Variants in IGF2R observed in about 807,000 individuals in gnomAD.
The protein encoded by IGF2R is insulin like growth factor 2 receptor, also known as cation-independent mannose-6-phosphate receptor.
In IGF2R, 91 loss-of-function variants were observed where a neutral mutation model predicts 270.6. That is an observed-to-expected ratio of 0.34 (90% CI 0.28 to 0.40). IGF2R has a LOEUF of 0.40. Ranked by LOEUF, IGF2R falls within the 10% of genes least tolerant of loss-of-function variation. The pLI is 1.00. For synonymous variants in IGF2R, 1,316 were observed against 1,258.9 expected, an observed-to-expected ratio of 1.05 and a Z score of -0.96; for missense variants, 2,805 against 3,188.3, an observed-to-expected ratio of 0.88 and a Z score of 2.90.
chr6:159,974,110 T>C (rs1783653046), intron 1 of IGF2R, among the ~76,000 whole-genome samples: 1 of 152,168 alleles, frequency 6.6e-6, no homozygotes, highest in African/African-American at 2.4e-5. Context: ...TTTCCACCAG[T>C]GATGTATGAG....
In IGF2R at chr6:160,103,130, G is replaced by A. The variant is rs73598447; in HGVS notation, c.6995+459G>A. On this transcript the variant is annotated intron_variant, in intron 46 of 47. Coordinates refer to ENST00000356956, the MANE Select transcript of IGF2R (RefSeq NM_000876.4). The stretch of plus-strand genomic sequence containing the variant: ...GGTCAAGCAGATTTTCACGTCAGGC[G>A]TCAGTGTTAGTGGCTCTGACCTGGG... Among the ~76,000 whole-genome samples the A allele has an allele frequency of 9.2e-3, 1,397 of 152,202 alleles. 16 individuals are homozygous for A. The highest frequency in any genetic ancestry group is 0.031 in the African/African-American group (1,306 of 41,510).
chr6:160,103,856 G>C (rs569427818), intron 47 of IGF2R, 41 bp downstream of exon 47: 1 of 1,353,034 alleles, frequency 7.4e-7, no homozygotes, highest in Non-Finnish European at 1.1e-6. Context: ...CTGCCTCCCC[G>C]GCCCCCTGTG....
At chr6:160,033,130 A>T in intron 9 of IGF2R, 23 bp downstream of exon 9, 1 of 1,591,050 alleles carries the variant, frequency 6.3e-7, no homozygotes, top group Non-Finnish European at 8.6e-7. Flanking sequence ...CCTCTGTGCG[A>T]TTTTCCTTTT....
chr6:160,026,201 A>G (rs1454095804), intron 5 of IGF2R, among the ~76,000 whole-genome samples: 2 of 152,224 alleles, frequency 1.3e-5, no homozygotes, highest in Non-Finnish European at 2.9e-5. Context: ...CAAGGAGCCT[A>G]TGGCACAGCA....
intron 18 of IGF2R, among the ~76,000 whole-genome samples, chr6:160,049,672 T>C (rs1307355355): frequency 6.6e-6 from 1 of 152,194 alleles, no homozygotes; most frequent in Non-Finnish European, 1.5e-5. Flanking sequence ...CTTACTCCCT[T>C]GTGTTCGGAA....
In IGF2R at chr6:160,068,323, C is replaced by T. The variant is rs139241313; in HGVS notation, c.4190C>T (p.Thr1397Met). ...GACAACTGGGAAGCCATCACTGGGA[C>T]GGGGGACCCGGAGCACTACCTCATC... ...YSDNWEAITGTGDPEHYLINV... is the reference protein window; with the variant it reads ...YSDNWEAITGMGDPEHYLINV... The change falls in exon 30 of 48, where the codon ACG (threonine) becomes ATG (methionine). Residue 1397 changes from threonine (T) to methionine (M), a missense_variant. This residue lies in a region of IGF2R where 1,851 missense variants were observed against 2,207.2 expected (regional missense o/e 0.84). Coordinates refer to ENST00000356956, the MANE Select transcript of IGF2R (RefSeq NM_000876.4). 3.2e-5 allele frequency: 51 copies of T among 1,614,132 alleles called. No homozygotes were observed. Among genetic ancestry groups the T allele is most frequent in the Non-Finnish European group, 4.1e-5 (48 of 1,180,056 alleles).
intron 11 of IGF2R, among the ~76,000 whole-genome samples, chr6:160,041,078 A>G (rs561998285): frequency 6.6e-6 from 1 of 152,310 alleles, no homozygotes; most frequent in Admixed American, 6.5e-5. Context: ...CTCAGCGTGC[A>G]GTGGGCTTGT....
At chr6:160,041,215 A>G (rs995011462) in intron 11 of IGF2R, among the ~76,000 whole-genome samples, 1 of 152,000 alleles carries the variant, frequency 6.6e-6, no homozygotes, top group African/African-American at 2.4e-5. Context: ...AGCAGGTGGA[A>G]TAATAAGAAT....
At chr6:160,032,216 C>T (rs950156635) in intron 7 of IGF2R, among the ~76,000 whole-genome samples, 2 of 152,172 alleles carry the variant, frequency 1.3e-5, no homozygotes, top group Admixed American at 6.5e-5. Context: ...GTGATTGCCA[C>T]GTGCCACTGA....
chr6:160,039,500 A>G (rs1338709403), intron 10 of IGF2R, among the ~76,000 whole-genome samples: 1 of 152,250 alleles, frequency 6.6e-6, no homozygotes, highest in Non-Finnish European at 1.5e-5. Context: ...GATTGTGCTC[A>G]CTACAGGTTT....
At chr6:159,982,320 A>T (rs1034248077) in intron 1 of IGF2R, among the ~76,000 whole-genome samples, 3 of 152,190 alleles carry the variant, frequency 2.0e-5, no homozygotes, top group African/African-American at 7.2e-5. Flanking sequence ...ACACTGTCTG[A>T]TACTGTTGAG....
intron 31 of IGF2R, 95 bp downstream of exon 31, chr6:160,070,153 T>C (rs1778684523): frequency 8.2e-7 from 1 of 1,226,994 alleles, no homozygotes; most frequent in Admixed American, 2.0e-5. Flanking sequence ...TGCCTTGGGA[T>C]GCGAGTTCTA....
At chr6:160,053,349 C>T (rs1263380696) in intron 19 of IGF2R, among the ~76,000 whole-genome samples, 2 of 152,060 alleles carry the variant, frequency 1.3e-5, no homozygotes, top group Non-Finnish European at 2.9e-5. Context: ...ACCAACATGG[C>T]ACATGTATAC....
At chr6:160,027,127 T>C (rs1777577940) in intron 5 of IGF2R, 58 bp from the exon 6 acceptor site, 3 of 1,586,358 alleles carry the variant, frequency 1.9e-6, no homozygotes, top group Non-Finnish European at 2.6e-6. Flanking sequence ...GGTCTAAGGG[T>C]ACGTGTGATT....
chr6:160,072,743 C>T, intron 32 of IGF2R, 22 bp from the exon 33 acceptor site: 1 of 1,614,082 alleles, frequency 6.2e-7, no homozygotes, highest in East Asian at 2.2e-5. Context: ...TCACTGTGTC[C>T]CCATCTTCTT....
chr6:160,103,732 C>CA lies in IGF2R; in HGVS notation c.6996-14_6996-13insA. 1 of 1,552,886 alleles carries CA rather than the reference C, an allele frequency of 6.4e-7. No homozygotes were observed. Among genetic ancestry groups the CA allele is most frequent in the Non-Finnish European group, 8.8e-7 (1 of 1,130,150 alleles). On this transcript the variant is annotated splice_polypyrimidine_tract_variant and intron_variant, in intron 46 of 47. Transcript: ENST00000356956. The stretch of plus-strand genomic sequence containing the variant: ...TCTACACTGGAGTAATTATTGTCTC[C>CA]TTTTTTTTTATAGGGAAACAGTGAT...
chr6:160,007,906 C>T (rs1182191582), intron 2 of IGF2R, among the ~76,000 whole-genome samples: 1 of 152,134 alleles, frequency 6.6e-6, no homozygotes, highest in African/African-American at 2.4e-5. Flanking sequence ...CTTTCTCTAT[C>T]TTAAGATTTC....
In IGF2R at chr6:160,073,980, G is replaced by C; in HGVS notation, c.5166+5G>C. 6.2e-7 allele frequency: 1 copy of C among 1,602,836 alleles called. No individual in the cohort carries two copies. Reference sequence around the variant, plus strand: ...CCTATTGATGGTCCCCCCATAGTAAGTATGACAAATCCAAGGGTGGAGATA... The same window carrying C: ...CCTATTGATGGTCCCCCCATAGTAACTATGACAAATCCAAGGGTGGAGATA... On this transcript the variant is annotated splice_donor_5th_base_variant and intron_variant, in intron 35 of 47. Coordinates refer to ENST00000356956, the MANE Select transcript of IGF2R (RefSeq NM_000876.4).
intron 22 of IGF2R, among the ~76,000 whole-genome samples, chr6:160,059,375 G>T (rs1455600911): frequency 6.6e-6 from 1 of 152,236 alleles, no homozygotes; most frequent in Non-Finnish European, 1.5e-5. Flanking sequence ...TCACGTAACT[G>T]TCATTACAGA....
Sources: allele counts gnomAD v4.1 joint callset (sites outside exome capture counted in the v4.1 genomes callset), GRCh38; gene constraint gnomAD v4.1.1; regional missense constraint gnomAD v4.1.1; transcripts MANE v1.5; gene names NCBI Gene and HGNC (gene_info 2026-07-23, HGNC 2026-07-21).